BTBD9: variants seen among roughly 807,000 people sequenced by gnomAD.
BTBD9 encodes the protein BTB/POZ domain-containing protein 9.
A neutral mutation model predicts 64.3 loss-of-function variants in BTBD9; 49 were observed. The ratio of observed to expected loss-of-function variants is 0.76; its 90% CI spans 0.61 to 0.97. The LOEUF (loss-of-function observed/expected upper bound fraction) is 0.97, where lower values mean the gene tolerates loss of function less well. Among genes scored for constraint, BTBD9 ranks in the 50% least tolerant of loss-of-function variants. BTBD9 has a pLI of 0.00. For synonymous variants in BTBD9, 260 were observed against 274.7 expected (o/e 0.95, Z 0.53); for missense variants, 598 against 762.1 (o/e 0.78, Z 2.53).
intron 9 of BTBD9, among the ~76,000 whole-genome samples, chr6:38,211,267 A>T (rs1762824372): frequency 6.6e-6 from 1 of 152,032 alleles, no homozygotes; most frequent in Non-Finnish European, 1.5e-5. Flanking sequence ...GTCTCTTCTA[A>T]AAATACAAAA....
Position 38,397,984 on chromosome 6 carries a change from T to C in BTBD9, c.1155-52891A>G, listed in dbSNP as rs145318741. On this transcript the variant is annotated intron_variant, in intron 6 of 10. Transcript: ENST00000481247. ...GGAATATATAATAGAGTAGAAGGAA[T>C]GGAGCAGGAGAAACTGCATGGGCAC... Among the ~76,000 whole-genome samples, 299 of 151,776 alleles carry C rather than the reference T, an allele frequency of 2.0e-3. 1 individual carries two copies. The highest frequency in any genetic ancestry group is 7.1e-3 in the African/African-American group (292 of 41,398).
intron 6 of BTBD9, among the ~76,000 whole-genome samples, chr6:38,533,053 A>G (rs531880648): frequency 2.0e-4 from 31 of 152,136 alleles, no homozygotes; most frequent in African/African-American, 7.2e-4. Context: ...CAATGATAAC[A>G]GTGAATGTAA....
At chr6:38,437,562 A>G (rs990886080) in intron 6 of BTBD9, among the ~76,000 whole-genome samples, 2 of 152,194 alleles carry the variant, frequency 1.3e-5, no homozygotes, top group Non-Finnish European at 2.9e-5. Context: ...CATTTTGAGA[A>G]AGACTGTGAA....
intron 4 of BTBD9, among the ~76,000 whole-genome samples, 171 bp from the exon 5 acceptor site, chr6:38,580,608 T>C (rs1430177329): frequency 6.6e-6 from 1 of 152,182 alleles, no homozygotes; most frequent in Non-Finnish European, 1.5e-5. Flanking sequence ...TAAGACACCA[T>C]TCAGAGGCCG....
At chr6:38,332,299 A>G (rs566935135) in intron 7 of BTBD9, among the ~76,000 whole-genome samples, 3 of 152,332 alleles carry the variant, frequency 2.0e-5, no homozygotes, top group South Asian at 4.1e-4. Context: ...TTGGAGTCAC[A>G]TTGTAAAATC....
intron 6 of BTBD9, among the ~76,000 whole-genome samples, chr6:38,426,973 C>T (rs1215340389): frequency 6.6e-6 from 1 of 151,698 alleles, no homozygotes; most frequent in Non-Finnish European, 1.5e-5. Flanking sequence ...CTCAGTGAAG[C>T]TTCAATTCCC....
At chr6:38,428,876 A>AT (rs1436909179) in intron 6 of BTBD9, among the ~76,000 whole-genome samples, 1 of 150,980 alleles carries the variant, frequency 6.6e-6, no homozygotes, top group Non-Finnish European at 1.5e-5. Flanking sequence ...CGCCCGGCTA[A>AT]TTTTTTGTAT....
At chr6:38,454,817 C>T (rs1253645640) in intron 6 of BTBD9, among the ~76,000 whole-genome samples, 1 of 145,348 alleles carries the variant, frequency 6.9e-6, no homozygotes, top group South Asian at 2.2e-4. Flanking sequence ...AAAAAAAAAA[C>T]ACTAAATTTC....
chr6:38,215,125 G>A (rs1375157233), intron 9 of BTBD9, among the ~76,000 whole-genome samples: 1 of 152,176 alleles, frequency 6.6e-6, no homozygotes, highest in African/African-American at 2.4e-5. Flanking sequence ...TGATTCTATT[G>A]TCAGGCTTTA....
chr6:38,417,791 A>AGG (rs1158724893), intron 6 of BTBD9, among the ~76,000 whole-genome samples: 9 of 102,114 alleles, frequency 8.8e-5, no homozygotes, highest in Non-Finnish European at 1.6e-4. Context: ...AGAGAGAGAG[A>AGG]GAGAGAGAGA....
chr6:38,491,200 T>C (rs1771685838), intron 6 of BTBD9, among the ~76,000 whole-genome samples: 1 of 152,226 alleles, frequency 6.6e-6, no homozygotes, highest in Non-Finnish European at 1.5e-5. Flanking sequence ...AGGTTTGTAG[T>C]ACAGATGAAA....
intron 6 of BTBD9, among the ~76,000 whole-genome samples, chr6:38,494,292 T>G (rs2127393892): frequency 6.6e-6 from 1 of 152,324 alleles, no homozygotes; most frequent in East Asian, 1.9e-4. Flanking sequence ...TATCAAACCA[T>G]TTTTCTATTG....
At chr6:38,603,923 C>T (rs924426208) in intron 1 of BTBD9, among the ~76,000 whole-genome samples, 3 of 152,150 alleles carry the variant, frequency 2.0e-5, no homozygotes, top group African/African-American at 7.2e-5. Context: ...AAGTTAATAT[C>T]GCTTGGGGAG....
chr6:38,256,237 T>C (rs1764574660), intron 9 of BTBD9, among the ~76,000 whole-genome samples, 172 bp downstream of exon 9: 2 of 152,124 alleles, frequency 1.3e-5, no homozygotes, highest in Admixed American at 1.3e-4. Context: ...ATCAAGTAAA[T>C]TTCATATAAG....
At chr6:38,389,876 C>T (rs1766334880) in intron 6 of BTBD9, among the ~76,000 whole-genome samples, 1 of 152,168 alleles carries the variant, frequency 6.6e-6, no homozygotes, top group Admixed American at 6.6e-5. Flanking sequence ...TTTATATTGT[C>T]AGTCAAAGCT....
At chr6:38,446,524 C>A (rs1016871298) in intron 6 of BTBD9, among the ~76,000 whole-genome samples, 4 of 152,162 alleles carry the variant, frequency 2.6e-5, no homozygotes, top group African/African-American at 9.7e-5. Context: ...ACAAGGCATG[C>A]CCTGCCCCTT....
chr6:38,234,089 A>G (rs1331305269), intron 9 of BTBD9, among the ~76,000 whole-genome samples: 2 of 152,248 alleles, frequency 1.3e-5, no homozygotes, highest in Non-Finnish European at 2.9e-5. Flanking sequence ...CGAGGTATGT[A>G]CCTTGTGATT....
chr6:38,488,701 C>T (rs1332462142), intron 6 of BTBD9, among the ~76,000 whole-genome samples: 1 of 152,032 alleles, frequency 6.6e-6, no homozygotes, highest in Non-Finnish European at 1.5e-5. Flanking sequence ...AGTCTCAACC[C>T]ATTTTGTTAA....
At chr6:38,541,490 G>C (rs9470896) in intron 6 of BTBD9, among the ~76,000 whole-genome samples, 4,629 of 152,290 alleles carry the variant, frequency 0.03, 99 homozygotes, top group African/African-American at 0.051. Context: ...TGTAATCCCA[G>C]CACTTTGGGA....
Sources: gnomAD v4.1 joint callset for allele counts (sites outside exome capture counted in the v4.1 genomes callset) on GRCh38, gnomAD v4.1.1 for gene constraint, MANE v1.5 for transcripts, NCBI Gene and HGNC (gene_info 2026-07-23, HGNC 2026-07-21) for gene names.